The following KDM3B variants were observed in gnomAD, a reference collection of about 807,000 sequenced individuals.
The protein encoded by KDM3B is lysine-specific demethylase 3B.
In KDM3B, 10 loss-of-function variants were observed where a neutral mutation model predicts 170.0. The observed-to-expected ratio is 0.06, with a 90% confidence interval of 0.04 to 0.10. KDM3B has a LOEUF of 0.10. KDM3B is among the 10% of genes least tolerant of loss of function. The pLI is 1.00. For synonymous variants in KDM3B, 831 were observed against 834.8 expected, an observed-to-expected ratio of 1.00 and a Z score of 0.08; for missense variants, 1,394 against 2,195.2, an observed-to-expected ratio of 0.64 and a Z score of 7.29.
At chr5:138,431,284 T>TA in intron 22 of KDM3B, 141 bp from the exon 23 acceptor site, 2 of 690,354 alleles carry the variant, frequency 2.9e-6, no homozygotes, top group South Asian at 5.1e-5. Context: ...CATTTGCACT[T>TA]ACAGCTTTTC....
intron 1 of KDM3B, among the ~76,000 whole-genome samples, chr5:138,356,521 TTTTGCTCA>T (rs1344526978): frequency 6.6e-6 from 1 of 152,178 alleles, no homozygotes; most frequent in Non-Finnish European, 1.5e-5. Flanking sequence ...TATGGATATC[TTTTGCTCA>T]TTTGAGAAAA....
intron 1 of KDM3B, among the ~76,000 whole-genome samples, chr5:138,362,190 G>A (rs1362359184): frequency 2.6e-5 from 4 of 151,684 alleles, no homozygotes; most frequent in Admixed American, 6.6e-5. Context: ...GCATGGTGGC[G>A]CACGTAATCC....
chr5:138,391,813 G>A lies in KDM3B; in HGVS notation c.2181G>A (p.Ser727=), dbSNP rs771447365. 47 of 1,613,968 alleles carry A rather than the reference G, an allele frequency of 2.9e-5. 1 individual carries two copies. In the Middle Eastern group the frequency reaches 8.2e-4, roughly 28 times the overall value. Residue 727 remains serine, a synonymous_variant, in exon 8 of 24, where the codon TCG becomes TCA. Coordinates refer to ENST00000314358, the MANE Select transcript of KDM3B (RefSeq NM_016604.4). The surrounding 1 kb of genome is among the most constrained non-coding windows in gnomAD (Gnocchi z 5.0). Reference sequence around the variant, plus strand: ...CCATGGGGAATGGCCGCTCCAGCTCGCCCACCAGCAGCCTCACTCAGCCCA... The same window carrying A: ...CCATGGGGAATGGCCGCTCCAGCTCACCCACCAGCAGCCTCACTCAGCCCA... ...LSAMGNGRSS[S]PTSSLTQPIE...
chr5:138,395,915 G>A (rs1441682847), intron 9 of KDM3B, among the ~76,000 whole-genome samples: 1 of 151,988 alleles, frequency 6.6e-6, no homozygotes, highest in East Asian at 1.9e-4. Context: ...ACTGCACCCT[G>A]CACAAATCAA....
intron 1 of KDM3B, among the ~76,000 whole-genome samples, chr5:138,366,536 A>G (rs544420251): frequency 6.6e-6 from 1 of 152,126 alleles, no homozygotes; most frequent in African/African-American, 2.4e-5. Context: ...CACCTATGTT[A>G]CCCAGGATGG....
At chr5:138,383,623 CAG>C (rs1342902547) in intron 6 of KDM3B, among the ~76,000 whole-genome samples, 1 of 152,172 alleles carries the variant, frequency 6.6e-6, no homozygotes, top group Non-Finnish European at 1.5e-5. Flanking sequence ...CAAGAAAGAA[CAG>C]AGTTCACTGA....
chr5:138,433,114 C>CTT (rs1199984013), intron 23 of KDM3B, among the ~76,000 whole-genome samples: 7 of 136,384 alleles, frequency 5.1e-5, no homozygotes, highest in Admixed American at 7.5e-5. Context: ...CTTTTCCTTT[C>CTT]TTTTTTTTTT....
In KDM3B at chr5:138,352,698, G is replaced by A; in HGVS notation, c.-98G>A. The A allele has an allele frequency of 1.0e-6, 1 of 970,020 alleles. No homozygotes were observed. The highest frequency in any genetic ancestry group is 1.3e-6 in the Non-Finnish European group (1 of 769,810). 60.1% of individuals were successfully genotyped at this position (970,020 alleles called of 1,614,324 possible). A position where few individuals can be genotyped will look rare whatever the true frequency, so the allele number is the denominator to read the frequency against. ...GGGGGTGGGGGGGAACGGCGGCCGC[G>A]GGTGGTGCGGAGGGAGGCCTTGCGG... On this transcript the variant is annotated 5_prime_UTR_variant, in exon 1 of 24. Coordinates refer to ENST00000314358, the MANE Select transcript of KDM3B (RefSeq NM_016604.4).
At chr5:138,427,114 C>T in intron 18 of KDM3B, 49 bp downstream of exon 18, 1 of 1,606,910 alleles carries the variant, frequency 6.2e-7, no homozygotes, top group Non-Finnish European at 8.5e-7. Context: ...ACAAAGTAAT[C>T]ACAGAAAAGT....
At position 138,391,668 on chromosome 5, in the gene KDM3B, C is replaced by G; in HGVS notation, c.2036C>G (p.Ser679Cys). ...KVAPSWPESH[S>C]SADSASLAKK... ...GCACCCAGCTGGCCCGAGTCTCACTCCTCTGCAGATTCGGCATCTTTAGCA... is the reference window on the plus strand; with the variant it reads ...GCACCCAGCTGGCCCGAGTCTCACTGCTCTGCAGATTCGGCATCTTTAGCA... Residue 679 changes from serine to cysteine, a missense_variant, in exon 8 of 24, where the codon TCC becomes TGC. Coordinates refer to ENST00000314358, the MANE Select transcript of KDM3B (RefSeq NM_016604.4). The surrounding 1 kb of genome is among the most constrained non-coding windows in gnomAD (Gnocchi z 5.0). The G allele has an allele frequency of 6.2e-7, 1 of 1,614,120 alleles. No individual in the cohort carries two copies. Among genetic ancestry groups the G allele is most frequent in the Non-Finnish European group, 8.5e-7 (1 of 1,180,022 alleles).
chr5:138,420,188 A>G (rs1453241797), intron 14 of KDM3B, among the ~76,000 whole-genome samples: 1 of 152,178 alleles, frequency 6.6e-6, no homozygotes, highest in Non-Finnish European at 1.5e-5. Context: ...ATTCCCAGCC[A>G]TATACAAGAC....
chr5:138,381,510 C>T lies in KDM3B; in HGVS notation c.706-6C>T, dbSNP rs766900386. The T allele has an allele frequency of 2.6e-6, 4 of 1,542,956 alleles. No homozygotes were observed. In the African/African-American group the frequency reaches 4.1e-5, roughly 16 times the overall value. ...CATTAAATATCTTTTTCCCCTCCTA[C>T]TGTAGAGTGGTGAGATCAAGTCGGT... is the stretch of plus-strand genomic sequence containing the variant. On this transcript the variant is annotated splice_polypyrimidine_tract_variant and splice_region_variant and intron_variant, in intron 5 of 23. Transcript: ENST00000314358.
chr5:138,367,192 A>C (rs1226108842), intron 1 of KDM3B, among the ~76,000 whole-genome samples: 1 of 152,192 alleles, frequency 6.6e-6, no homozygotes, highest in Non-Finnish European at 1.5e-5. Flanking sequence ...GCACTGTAAT[A>C]ATTTCTGTAC....
chr5:138,399,449 A>G (rs1026809614), intron 10 of KDM3B, among the ~76,000 whole-genome samples: 19 of 151,940 alleles, frequency 1.3e-4, no homozygotes, highest in Middle Eastern at 3.4e-3. Context: ...GAGGCAGGTG[A>G]ATGGTATGAA....
At chr5:138,420,178 A>G (rs1168915101) in intron 14 of KDM3B, among the ~76,000 whole-genome samples, 1 of 152,182 alleles carries the variant, frequency 6.6e-6, no homozygotes, top group African/African-American at 2.4e-5. Context: ...GTGAGCCACC[A>G]TTCCCAGCCA....
At chr5:138,415,086 C>A in intron 11 of KDM3B, 46 bp from the exon 12 acceptor site, 2 of 1,318,074 alleles carry the variant, frequency 1.5e-6, no homozygotes, top group Non-Finnish European at 2.1e-6. Context: ...GAGAAGGATC[C>A]ATTTTTGTGA....
chr5:138,381,793 T>C (rs1762131975), intron 6 of KDM3B: 1 of 515,654 alleles, frequency 1.9e-6, no homozygotes, highest in Non-Finnish European at 3.5e-6. Flanking sequence ...CAAACCCTTT[T>C]AAGCATGACT....
intron 6 of KDM3B, 57 bp downstream of exon 6, chr5:138,381,647 G>T (rs189867020): frequency 1.9e-6 from 2 of 1,070,414 alleles, no homozygotes; most frequent in Non-Finnish European, 2.9e-6. Context: ...ATCTTGCTGT[G>T]TGTAGATCCC....
intron 9 of KDM3B, among the ~76,000 whole-genome samples, chr5:138,395,489 G>A (rs960963135): frequency 6.6e-6 from 1 of 152,292 alleles, no homozygotes; most frequent in South Asian, 2.1e-4. Flanking sequence ...TTGAATGGGG[G>A]CGGTAGCTCA....
Sources: gnomAD v4.1 joint callset for allele counts (sites outside exome capture counted in the v4.1 genomes callset) on GRCh38, gnomAD v4.1.1 for gene constraint, Gnocchi (gnomAD v3.1) non-coding constraint, MANE v1.5 for transcripts, NCBI Gene and HGNC (gene_info 2026-07-23, HGNC 2026-07-21) for gene names.